DLG2: variants seen among roughly 807,000 people sequenced by gnomAD.
The protein encoded by DLG2 is disks large homolog 2.
Under a neutral mutation model 132.5 loss-of-function variants are expected in DLG2, and 45 were observed. The observed-to-expected ratio is 0.34, with a 90% CI of 0.27 to 0.44. DLG2 has a LOEUF of 0.44. DLG2 is among the 20% of genes least tolerant of loss of function. The pLI is 1.00. For synonymous variants in DLG2, 424 were observed against 419.6 expected, an observed-to-expected ratio of 1.01 and a Z score of -0.13; for missense variants, 1,045 against 1,196.9, an observed-to-expected ratio of 0.87 and a Z score of 1.87.
chr11:83,768,084 C>A (rs890008664), intron 18 of DLG2, among the ~76,000 whole-genome samples: 3 of 152,094 alleles, frequency 2.0e-5, no homozygotes, highest in Non-Finnish European at 4.4e-5. Flanking sequence ...TTAGGACTAG[C>A]GAGATAATGC....
At chr11:83,490,910 C>CTT (rs779266924) in intron 21 of DLG2, among the ~76,000 whole-genome samples, 1 of 151,862 alleles carries the variant, frequency 6.6e-6, no homozygotes, top group Non-Finnish European at 1.5e-5. Flanking sequence ...TTTTCTACAA[C>CTT]TTTCTCTCAA....
At chr11:83,669,837 C>G (rs1475103920) in intron 18 of DLG2, among the ~76,000 whole-genome samples, 1 of 152,158 alleles carries the variant, frequency 6.6e-6, no homozygotes, top group African/African-American at 2.4e-5. Context: ...TTCTAGATAA[C>G]TGAATAAATG....
chr11:85,079,591 C>T (rs1224632974), intron 6 of DLG2, among the ~76,000 whole-genome samples: 2 of 151,506 alleles, frequency 1.3e-5, no homozygotes, highest in Admixed American at 6.6e-5. Flanking sequence ...ATTTCCAAGG[C>T]GGCACAGCTG....
chr11:84,575,331 AC>A (rs1158060349), intron 6 of DLG2, among the ~76,000 whole-genome samples: 1 of 150,646 alleles, frequency 6.6e-6, no homozygotes, highest in African/African-American at 2.4e-5. Flanking sequence ...CCTCCCCCAC[AC>A]CCCCCATGGA....
intron 6 of DLG2, among the ~76,000 whole-genome samples, chr11:85,085,775 G>A (rs1171068425): frequency 6.6e-6 from 1 of 152,048 alleles, no homozygotes; most frequent in Non-Finnish European, 1.5e-5. Context: ...ACAGCTAACA[G>A]GTATTTGAAC....
intron 7 of DLG2, chr11:84,273,306 GAAAAAAAA>G (rs752762450): frequency 2.0e-5 from 16 of 791,276 alleles, no homozygotes; most frequent in East Asian, 2.8e-4. Flanking sequence ...AGTTGAAGAG[GAAAAAAAA>G]AAAAAAAAAA....
At chr11:84,788,820 C>A (rs1209249410) in intron 6 of DLG2, among the ~76,000 whole-genome samples, 1 of 152,082 alleles carries the variant, frequency 6.6e-6, no homozygotes, top group Non-Finnish European at 1.5e-5. Context: ...ACTCAATAAA[C>A]AAATGTATCA....
chr11:84,704,185 G>T (rs2059541352), intron 6 of DLG2, among the ~76,000 whole-genome samples: 1 of 151,304 alleles, frequency 6.6e-6, no homozygotes, highest in African/African-American at 2.4e-5. Flanking sequence ...TAAATGGTAG[G>T]AGTTTTTAAT....
At chr11:83,884,925 T>C (rs1257489133) in intron 15 of DLG2, among the ~76,000 whole-genome samples, 3 of 152,152 alleles carry the variant, frequency 2.0e-5, no homozygotes, top group Non-Finnish European at 4.4e-5. Flanking sequence ...AGAAAGGATA[T>C]CCACACCAAA....
chr11:84,714,526 CCTCTTTCTCTTT>C (rs71036438), intron 6 of DLG2, among the ~76,000 whole-genome samples: 1 of 133,756 alleles, frequency 7.5e-6, no homozygotes, highest in East Asian at 2.5e-4. Flanking sequence ...CAACCCATTT[CCTCTTTCTCTTT>C]CTCTTTCTCT....
chr11:85,339,067 A>G (rs1565345552), intron 3 of DLG2, among the ~76,000 whole-genome samples: 1 of 152,108 alleles, frequency 6.6e-6, no homozygotes, highest in African/African-American at 2.4e-5. Flanking sequence ...ACATCTGTGT[A>G]TTTTTTAGAT....
At chr11:85,159,287 C>A (rs772362114) in intron 4 of DLG2, among the ~76,000 whole-genome samples, 19 of 152,282 alleles carry the variant, frequency 1.2e-4, no homozygotes, top group South Asian at 4.1e-4. Flanking sequence ...ATCCTGTGGT[C>A]ATTTCTGCAG....
intron 12 of DLG2, among the ~76,000 whole-genome samples, chr11:83,975,097 T>G (rs1347223084): frequency 6.6e-6 from 1 of 152,094 alleles, no homozygotes; most frequent in Non-Finnish European, 1.5e-5. Context: ...TATCCTGGAT[T>G]CAACATTTCT....
intron 3 of DLG2, among the ~76,000 whole-genome samples, chr11:85,468,619 G>A (rs1183221919): frequency 6.6e-6 from 1 of 152,176 alleles, no homozygotes; most frequent in Non-Finnish European, 1.5e-5. Flanking sequence ...TAGTTGAGCG[G>A]TTTTGAGTGA....
chr11:83,977,175 T>C (rs906533844), intron 12 of DLG2, among the ~76,000 whole-genome samples: 2 of 152,030 alleles, frequency 1.3e-5, no homozygotes, highest in African/African-American at 4.8e-5. Context: ...TCTTCCATTC[T>C]TGTTATAAGC....
intron 21 of DLG2, among the ~76,000 whole-genome samples, chr11:83,509,805 A>T (rs1258976054): frequency 6.6e-6 from 1 of 151,956 alleles, no homozygotes. Context: ...ATGTCTTGGG[A>T]GAAAGTGCAA....
At chr11:84,729,095 G>T (rs1281792365) in intron 6 of DLG2, among the ~76,000 whole-genome samples, 2 of 151,966 alleles carry the variant, frequency 1.3e-5, no homozygotes, top group African/African-American at 4.8e-5. Context: ...CTTCAGTTCT[G>T]CTCTGATCTT....
chr11:83,716,287 GCA>G (rs1203787133), intron 18 of DLG2, among the ~76,000 whole-genome samples: 1 of 152,108 alleles, frequency 6.6e-6, no homozygotes. Context: ...ACAGCTTCAA[GCA>G]CAGAGACTAG....
chr11:84,548,509 C>A (rs985968138), intron 6 of DLG2, among the ~76,000 whole-genome samples: 2 of 151,080 alleles, frequency 1.3e-5, no homozygotes. Flanking sequence ...TCAATTCCCA[C>A]CTATGAGTAA....
Sources: allele counts gnomAD v4.1 joint callset (sites outside exome capture counted in the v4.1 genomes callset), GRCh38; gene constraint gnomAD v4.1.1; transcripts MANE v1.5; gene names NCBI Gene and HGNC (gene_info 2026-07-23, HGNC 2026-07-21).